PKN2: variants seen among roughly 807,000 people sequenced by gnomAD.
PKN2 encodes the protein serine/threonine-protein kinase N2.
Under a neutral mutation model 119.1 loss-of-function variants are expected in PKN2, and 38 were observed. The observed-to-expected ratio is 0.32, with a 90% CI of 0.25 to 0.42. The LOEUF (loss-of-function observed/expected upper bound fraction) is 0.42. Among genes scored for constraint, PKN2 ranks in the 10% least tolerant of loss-of-function variants. The pLI is 1.00. For missense variants in PKN2, 850 were observed against 1,165.1 expected (o/e 0.73, Z 3.94); for synonymous variants, 390 against 384.9 (o/e 1.01, Z -0.15).
intron 1 of PKN2, among the ~76,000 whole-genome samples, chr1:88,734,258 A>G (rs1668255421): frequency 6.6e-6 from 1 of 152,098 alleles, no homozygotes; most frequent in South Asian, 2.1e-4. Flanking sequence ...GGTTTTGTCC[A>G]AAATATTCTT....
chr1:88,684,552 T>G lies in PKN2; in HGVS notation c.-29T>G. The G allele has an allele frequency of 6.6e-7, 1 of 1,523,814 alleles. No homozygotes were observed. Among genetic ancestry groups the G allele is most frequent in the African/African-American group, 1.4e-5 (1 of 70,558 alleles). 94.4% of individuals were successfully genotyped at this position (1,523,814 alleles called of 1,614,324 possible). ...TCTCCCTTCGCCAGAGGCGGCCGCGTCCAGGTGCGGAGTCCATACCGGAGC... is the reference window on the plus strand; with the variant it reads ...TCTCCCTTCGCCAGAGGCGGCCGCGGCCAGGTGCGGAGTCCATACCGGAGC... On this transcript the variant is annotated 5_prime_UTR_variant, in exon 1 of 22. Coordinates refer to ENST00000370521, the MANE Select transcript of PKN2 (RefSeq NM_006256.4).
intron 8 of PKN2, among the ~76,000 whole-genome samples, chr1:88,791,431 A>G (rs1187067730): frequency 2.7e-5 from 4 of 147,858 alleles, no homozygotes; most frequent in Admixed American, 1.3e-4. Flanking sequence ...CTCTGTCTCA[A>G]AAAAAAAAAA....
Position 88,835,672 on chromosome 1 carries a change from A to G in PKN2, c.*2224A>G, listed in dbSNP as rs1367149106. On this transcript the variant is annotated 3_prime_UTR_variant, in exon 22 of 22. Transcript: ENST00000370521. Reference sequence around the variant, plus strand: ...AAGCACTTTGTAAAGAAATTAGGATATTTTAGAATGGTACACTATGCATTC... The same window carrying G: ...AAGCACTTTGTAAAGAAATTAGGATGTTTTAGAATGGTACACTATGCATTC... The G allele has an allele frequency of 1.3e-5, 2 of 152,606 alleles. No homozygotes were observed. The highest frequency in any genetic ancestry group is 6.5e-5 in the Admixed American group (1 of 15,274). 9.5% of individuals were successfully genotyped at this position (152,606 alleles called of 1,614,324 possible).
Position 88,786,129 on chromosome 1 carries a change from C to A in PKN2, c.1197C>A (p.Leu399=). The A allele has an allele frequency of 6.2e-7, 1 of 1,610,960 alleles. No individual in the cohort carries two copies. Among genetic ancestry groups the A allele is most frequent in the Non-Finnish European group, 8.5e-7 (1 of 1,177,350 alleles). Residue 399 remains leucine (L), a synonymous_variant, in exon 8 of 22, where the codon CTC becomes CTA. Coordinates refer to ENST00000370521, the MANE Select transcript of PKN2 (RefSeq NM_006256.4). The part of the protein sequence containing the change: ...LSNDVCAVLK[L]DNTVVGQTSW... ...ATGATGTCTGTGCTGTTTTGAAGCT[C>A]GATAATACTGTGGTTGGCCAAACTA...
At chr1:88,813,936 C>G (rs1047489121) in intron 16 of PKN2, among the ~76,000 whole-genome samples, 1 of 152,030 alleles carries the variant, frequency 6.6e-6, no homozygotes, top group Non-Finnish European at 1.5e-5. Flanking sequence ...ATGGATTGCC[C>G]AAAACCACAA....
intron 3 of PKN2, 132 bp from the exon 4 acceptor site, chr1:88,770,219 AC>A (rs1669828463): frequency 1.8e-6 from 1 of 551,200 alleles, no homozygotes; most frequent in Admixed American, 3.0e-5. Context: ...TATAAGATAT[AC>A]TATAGCGCCA....
chr1:88,775,963 C>T (rs1272622678), intron 6 of PKN2, among the ~76,000 whole-genome samples: 6 of 151,948 alleles, frequency 3.9e-5, no homozygotes, highest in Admixed American at 3.9e-4. Context: ...AAAAAATTAG[C>T]CGGGCGTGGT....
intron 19 of PKN2, chr1:88,829,011 C>T (rs1438645527): frequency 1.6e-6 from 1 of 642,570 alleles, no homozygotes; most frequent in South Asian, 1.5e-5. Flanking sequence ...TTCCTCCAGA[C>T]TTCCGTCTGA....
At chr1:88,831,841 T>C (rs1191194104) in intron 19 of PKN2, among the ~76,000 whole-genome samples, 4 of 152,016 alleles carry the variant, frequency 2.6e-5, no homozygotes, top group Non-Finnish European at 5.9e-5. Context: ...ATTTAGACAT[T>C]TGTTTCCTGA....
chr1:88,746,540 A>G (rs1401614329), intron 2 of PKN2, among the ~76,000 whole-genome samples: 2 of 152,154 alleles, frequency 1.3e-5, no homozygotes, highest in Non-Finnish European at 2.9e-5. Context: ...GAGAAATGCA[A>G]ATTAAAACCA....
intron 8 of PKN2, among the ~76,000 whole-genome samples, chr1:88,793,426 C>T (rs1000522729): frequency 3.9e-5 from 6 of 152,094 alleles, no homozygotes; most frequent in African/African-American, 9.7e-5. Flanking sequence ...AAAAAATCCA[C>T]GTATAAGTCG....
intron 6 of PKN2, among the ~76,000 whole-genome samples, chr1:88,779,767 TAA>T (rs1670259165): frequency 6.6e-6 from 1 of 152,258 alleles, no homozygotes; most frequent in South Asian, 2.1e-4. Flanking sequence ...TATTCTGTGT[TAA>T]ACTTATACAT....
chr1:88,816,372 A>G (rs2100901848), intron 16 of PKN2, among the ~76,000 whole-genome samples: 1 of 151,952 alleles, frequency 6.6e-6, no homozygotes, highest in East Asian at 2.0e-4. Context: ...TCAGCCTCCC[A>G]AATAGCTGGG....
chr1:88,701,127 T>C (rs9803631), intron 1 of PKN2, among the ~76,000 whole-genome samples: 7,875 of 152,218 alleles, frequency 0.052, 392 homozygotes, highest in African/African-American at 0.12. Context: ...TGAATACATA[T>C]TGATGTTACT....
chr1:88,764,764 A>G (rs966625937), intron 3 of PKN2, among the ~76,000 whole-genome samples: 3 of 152,186 alleles, frequency 2.0e-5, no homozygotes, highest in East Asian at 3.8e-4. Flanking sequence ...ACCCCGTTAC[A>G]TAAGTAGTAT....
chr1:88,730,422 T>C (rs981968914), intron 1 of PKN2, among the ~76,000 whole-genome samples: 1 of 152,166 alleles, frequency 6.6e-6, no homozygotes, highest in East Asian at 1.9e-4. Flanking sequence ...CCATCCTTAG[T>C]GTATTGGGTT....
intron 16 of PKN2, among the ~76,000 whole-genome samples, chr1:88,816,315 T>C (rs1671991033): frequency 6.6e-6 from 1 of 152,096 alleles, no homozygotes; most frequent in Admixed American, 6.5e-5. Flanking sequence ...GGCACCGTCT[T>C]GGCTCACTAC....
intron 2 of PKN2, among the ~76,000 whole-genome samples, chr1:88,750,853 A>G (rs747978711): frequency 1.1e-4 from 16 of 152,148 alleles, no homozygotes; most frequent in African/African-American, 2.9e-4. Flanking sequence ...TACCTCTGAT[A>G]ATAGGTCTCA....
intron 8 of PKN2, among the ~76,000 whole-genome samples, chr1:88,797,419 G>A (rs1385904249): frequency 6.6e-6 from 1 of 151,246 alleles, no homozygotes; most frequent in Admixed American, 6.6e-5. Flanking sequence ...TCAGGTGGGC[G>A]GATCACGAGG....
Sources: allele counts gnomAD v4.1 joint callset (sites outside exome capture counted in the v4.1 genomes callset), GRCh38; gene constraint gnomAD v4.1.1; transcripts MANE v1.5; gene names NCBI Gene and HGNC (gene_info 2026-07-23, HGNC 2026-07-21).